The following MTCH1 variants were observed in gnomAD, a reference collection of about 807,000 sequenced individuals.
MTCH1 encodes mitochondrial carrier homolog 1.
In MTCH1, 23 loss-of-function variants were observed where a neutral mutation model predicts 49.3. The ratio of observed to expected loss-of-function variants is 0.47; its 90% CI spans 0.34 to 0.66. The LOEUF (loss-of-function observed/expected upper bound fraction) is 0.66. MTCH1 is among the 30% of genes least tolerant of loss of function. MTCH1 has a pLI of 0.01. For missense variants in MTCH1, 397 were observed against 532.1 expected (o/e 0.75, Z 2.50); for synonymous variants, 229 against 215.2 (o/e 1.06, Z -0.56).
chr6:36,981,449 C>A (rs772018317), intron 2 of MTCH1, 139 bp downstream of exon 2: 8 of 730,560 alleles, frequency 1.1e-5, no homozygotes, highest in Non-Finnish European at 1.8e-5. Flanking sequence ...TCTCTGTACA[C>A]GCTTAGATCC....
At chr6:36,974,707 A>G (rs733461) in intron 7 of MTCH1, among the ~76,000 whole-genome samples, 10,125 of 152,264 alleles carry the variant, frequency 0.066, 451 homozygotes, top group Middle Eastern at 0.2. Context: ...ATATTTCTAT[A>G]TCATATACAC....
Position 36,972,086 on chromosome 6 carries a change from C to G in MTCH1, c.906+566G>C, listed in dbSNP as rs1763705316. Among the ~76,000 whole-genome samples the G allele has an allele frequency of 6.6e-6, 1 of 152,166 alleles. No individual in the cohort carries two copies. The highest frequency in any genetic ancestry group is 6.5e-5 in the Admixed American group (1 of 15,280). On this transcript the variant is annotated intron_variant, in intron 8 of 11. Transcript: ENST00000373627. This position sits in a 1 kb window ranked among gnomAD's most constrained non-coding sequence, Gnocchi z 4.1. ...ACTTCCTAGCAGATCTGAAAAAACT[C>G]AGAGGAATGCACCCTTGGCCTGGCC...
chr6:36,970,855 G>C, intron 8 of MTCH1, 161 bp from the exon 9 acceptor site: 1 of 823,184 alleles, frequency 1.2e-6, no homozygotes, highest in Non-Finnish European at 2.0e-6. Context: ...GAAGGCCTGG[G>C]GGGCAGAAAC....
intron 1 of MTCH1, among the ~76,000 whole-genome samples, chr6:36,985,239 C>T (rs1415548275): frequency 6.6e-6 from 1 of 152,144 alleles, no homozygotes; most frequent in African/African-American, 2.4e-5. Flanking sequence ...CCAAGACCTC[C>T]GTCTCCTCTG....
chr6:36,977,609 T>A lies in MTCH1; in HGVS notation c.649+25A>T. On this transcript the variant is annotated intron_variant, in intron 5 of 11. Transcript: ENST00000373627. This position sits in a 1 kb window ranked among gnomAD's most constrained non-coding sequence, Gnocchi z 5.4. ...GCCCCCGACGCCAGCTTAGATACAG[T>A]CTCGGGGGAAGGGGGGTGGCTTACC... 1 of 1,547,266 alleles carries A rather than the reference T, an allele frequency of 6.5e-7. No homozygotes were observed. The highest frequency in any genetic ancestry group is 1.4e-5 in the African/African-American group (1 of 73,574).
chr6:36,976,348 A>G, intron 6 of MTCH1: 1 of 349,792 alleles, frequency 2.9e-6, no homozygotes, highest in Non-Finnish European at 5.8e-6. Flanking sequence ...ATGCCAAGGA[A>G]GCTCAATAAC....
At position 36,978,228 on chromosome 6, in the gene MTCH1, A is replaced by C. The variant is rs576871793; in HGVS notation, c.514-73T>G. The C allele has an allele frequency of 1.2e-4, 154 of 1,333,260 alleles. No homozygotes were observed. The African/African-American group carries it at 2.0e-3, about 17-fold the overall frequency. The allele number at this position is 1,333,260 out of a possible 1,614,324, so 82.6% of individuals were successfully genotyped here. On this transcript the variant is annotated intron_variant, in intron 3 of 11. Coordinates refer to ENST00000373627, the MANE Select transcript of MTCH1 (RefSeq NM_001271641.2). ...GGAACTCTTCGGGGACTTGGGCGGC[A>C]GGAACCAGCTCCAAATATTTCCTCT...
In MTCH1 at chr6:36,979,254, C is replaced by T. The variant is rs1272382148; in HGVS notation, c.407-643G>A. On this transcript the variant is annotated intron_variant, in intron 2 of 11. Transcript: ENST00000373627. The stretch of plus-strand genomic sequence containing the variant: ...GGAGAAGTAACTAAAACAGGAGCAC[C>T]AATGAACAATTCCATAGAATAAACT... Among the ~76,000 whole-genome samples the T allele has an allele frequency of 2.6e-5, 4 of 152,104 alleles. No individual in the cohort carries two copies. In the East Asian group the frequency reaches 7.7e-4, roughly 29 times the overall value.
chr6:36,973,611 T>C (rs1464904381), intron 7 of MTCH1, among the ~76,000 whole-genome samples: 3 of 152,368 alleles, frequency 2.0e-5, no homozygotes, highest in East Asian at 1.9e-4. Context: ...TGTGCTCAGA[T>C]TGACTTTGTG....
At chr6:36,969,746 C>T (rs1368990029) in intron 11 of MTCH1, 1 of 1,287,286 alleles carries the variant, frequency 7.8e-7, no homozygotes, top group Non-Finnish European at 9.9e-7. Context: ...TACCACCTGC[C>T]ACCTGGGCCA....
chr6:36,970,615 A>G, intron 9 of MTCH1, 32 bp downstream of exon 9: 2 of 1,613,956 alleles, frequency 1.2e-6, no homozygotes, highest in Non-Finnish European at 1.7e-6. Context: ...TCCGCAAGGC[A>G]GTGGGAAGGA....
In MTCH1 at chr6:36,969,113, C is replaced by G. The variant is rs1005466891; in HGVS notation, c.1099-139G>C. The G allele has an allele frequency of 4.9e-6, 7 of 1,438,322 alleles. No homozygotes were observed. The African/African-American group carries it at 1.0e-4, about 21-fold the overall frequency. 89.1% of individuals were successfully genotyped at this position (1,438,322 alleles called of 1,614,324 possible). A position where few individuals can be genotyped will look rare whatever the true frequency, so the allele number is the denominator to read the frequency against. ...CGGGGTGGACGGCCTCGGCCTACAT[C>G]CCTGGAGGGCAGAATCTGCCTGTGT... On this transcript the variant is annotated intron_variant, in intron 11 of 11. Coordinates refer to ENST00000373627, the MANE Select transcript of MTCH1 (RefSeq NM_001271641.2).
chr6:36,977,450 C>A lies in MTCH1; in HGVS notation c.649+184G>T, dbSNP rs1763922684. On this transcript the variant is annotated intron_variant, in intron 5 of 11. Coordinates refer to ENST00000373627, the MANE Select transcript of MTCH1 (RefSeq NM_001271641.2). The surrounding 1 kb of genome is among the most constrained non-coding windows in gnomAD (Gnocchi z 5.4). ...TTTCTACTGCCTGGGAAGAGCCCCA[C>A]CTCCCTTTGGAAAGAATTCCAATCT... 1.3e-5 allele frequency among the ~76,000 whole-genome samples: 2 copies of A among 152,112 alleles called. No homozygotes were observed. The highest frequency in any genetic ancestry group is 2.4e-5 in the African/African-American group (1 of 41,406).
In MTCH1 at chr6:36,969,367, C is replaced by T. The variant is rs1009598309; in HGVS notation, c.1099-393G>A. 22 of 1,079,256 alleles carry T rather than the reference C, an allele frequency of 2.0e-5. No homozygotes were observed. The Admixed American group carries it at 4.9e-4, about 24-fold the overall frequency. The allele number at this position is 1,079,256 out of a possible 1,614,324, so 66.9% of individuals were successfully genotyped here. ...CTCCCATCTGTCCTCTTCTCAGCCT[C>T]GAGGCCACTCAGAGTTCTGGCTCCC... is the stretch of plus-strand genomic sequence containing the variant. On this transcript the variant is annotated intron_variant, in intron 11 of 11. Coordinates refer to ENST00000373627, the MANE Select transcript of MTCH1 (RefSeq NM_001271641.2).
chr6:36,977,920 C>T lies in MTCH1; in HGVS notation c.591+158G>A, dbSNP rs1338261599. Among the ~76,000 whole-genome samples the T allele has an allele frequency of 6.6e-6, 1 of 152,170 alleles. No individual in the cohort carries two copies. Among genetic ancestry groups the T allele is most frequent in the East Asian group, 1.9e-4 (1 of 5,190 alleles). On this transcript the variant is annotated intron_variant, in intron 4 of 11. Coordinates refer to ENST00000373627, the MANE Select transcript of MTCH1 (RefSeq NM_001271641.2). This position sits in a 1 kb window ranked among gnomAD's most constrained non-coding sequence, Gnocchi z 5.4. ...ATGGCTGAGAAGGCTTTCCGGGGTT[C>T]CCGGCACATCCAGGCCAGGGCTTCT...
chr6:36,968,711 T>C lies in MTCH1; in HGVS notation c.*192A>G, dbSNP rs548164971. 2.2e-6 allele frequency: 2 copies of C among 889,816 alleles called. No homozygotes were observed. Among genetic ancestry groups the C allele is most frequent in the Admixed American group, 4.1e-5 (2 of 48,484 alleles). The allele number at this position is 889,816 out of a possible 1,614,324, so 55.1% of individuals were successfully genotyped here. A position where few individuals can be genotyped will look rare whatever the true frequency, so the allele number is the denominator to read the frequency against. The stretch of plus-strand genomic sequence containing the variant: ...TCCCTAGGTCTGCCGGGTGACCCAA[T>C]CCACTGGGTGCAGCCCCACCCCCGC... On this transcript the variant is annotated 3_prime_UTR_variant, in exon 12 of 12. Coordinates refer to ENST00000373627, the MANE Select transcript of MTCH1 (RefSeq NM_001271641.2).
At position 36,981,450 on chromosome 6, in the gene MTCH1, G is replaced by A. The variant is rs146988945; in HGVS notation, c.406+138C>T. The stretch of plus-strand genomic sequence containing the variant: ...CCGACACCATGTCCTCTCTGTACAC[G>A]CTTAGATCCCCTCCTCCATGCCAGC... On this transcript the variant is annotated intron_variant, in intron 2 of 11. Transcript: ENST00000373627. 3,977 of 733,376 alleles carry A rather than the reference G, an allele frequency of 5.4e-3. 25 individuals carry two copies. Among genetic ancestry groups the A allele is most frequent in the Non-Finnish European group, 8.0e-3 (3,555 of 446,130 alleles). The allele number at this position is 733,376 out of a possible 1,614,324, so 45.4% of individuals were successfully genotyped here.
In MTCH1 at chr6:36,977,092, C is replaced by T; in HGVS notation, c.701+107G>A. On this transcript the variant is annotated intron_variant, in intron 6 of 11. Transcript: ENST00000373627. The surrounding 1 kb of genome is among the most constrained non-coding windows in gnomAD (Gnocchi z 5.4). ...GAAGCCAGGCAGCAGGCTGAACTCA[C>T]ACAGCACTAGGGCAGAAAAGGTGCA... The T allele has an allele frequency of 8.4e-7, 1 of 1,196,616 alleles. No homozygotes were observed. Among genetic ancestry groups the T allele is most frequent in the Non-Finnish European group, 1.2e-6 (1 of 809,532 alleles). The allele number at this position is 1,196,616 out of a possible 1,614,324, so 74.1% of individuals were successfully genotyped here. A position where few individuals can be genotyped will look rare whatever the true frequency, so the allele number is the denominator to read the frequency against.
chr6:36,971,388 C>T (rs950230434), intron 8 of MTCH1, among the ~76,000 whole-genome samples: 50 of 152,274 alleles, frequency 3.3e-4, no homozygotes, highest in African/African-American at 9.9e-4. Flanking sequence ...GATGTAAGCA[C>T]GGCAGCCTCT....
Sources: gnomAD v4.1 joint callset for allele counts (sites outside exome capture counted in the v4.1 genomes callset) on GRCh38, gnomAD v4.1.1 for gene constraint, Gnocchi (gnomAD v3.1) non-coding constraint, MANE v1.5 for transcripts, NCBI Gene and HGNC (gene_info 2026-07-23, HGNC 2026-07-21) for gene names.